RPIA: variants seen among roughly 807,000 people sequenced by gnomAD.
RPIA encodes the protein ribose 5-phosphate isomerase A, also known as ribose-5-phosphate isomerase.
RPIA carries 29 observed loss-of-function variants against 37.8 expected under a neutral mutation model. The observed-to-expected ratio is 0.77, with a 90% CI of 0.57 to 1.05. The LOEUF (loss-of-function observed/expected upper bound fraction) is 1.05. Among genes scored for constraint, RPIA ranks in the 50% least tolerant of loss-of-function variants. RPIA has a pLI of 0.00. For missense variants in RPIA, 385 were observed against 413.6 expected (o/e 0.93, Z 0.60); for synonymous variants, 167 against 157.0 (o/e 1.06, Z -0.48).
chr2:88,697,532 C>CT (rs1413335711), intron 1 of RPIA, among the ~76,000 whole-genome samples: 1 of 152,130 alleles, frequency 6.6e-6, no homozygotes, highest in Non-Finnish European at 1.5e-5. Flanking sequence ...CTCAGCTGAG[C>CT]TTTTACTCTT....
intron 3 of RPIA, among the ~76,000 whole-genome samples, chr2:88,721,566 CACACA>C (rs1470998078): frequency 2.5e-3 from 173 of 68,164 alleles, no homozygotes; most frequent in African/African-American, 6.8e-3. Flanking sequence ...CACACACACA[CACACA>C]CCCCCCCCCC....
intron 4 of RPIA, among the ~76,000 whole-genome samples, chr2:88,730,300 G>T (rs905417752): frequency 3.1e-5 from 3 of 96,600 alleles, no homozygotes; most frequent in Non-Finnish European, 3.6e-5. Context: ...CAATATCCTT[G>T]ATGAACATTG....
At chr2:88,711,385 A>G (rs901092459) in intron 3 of RPIA, among the ~76,000 whole-genome samples, 2 of 152,244 alleles carry the variant, frequency 1.3e-5, no homozygotes, top group African/African-American at 4.8e-5. Flanking sequence ...TCCAGGGCAG[A>G]GTTGGGACTT....
In RPIA at chr2:88,698,547, A is replaced by G. The variant is rs1468099679; in HGVS notation, c.346+3A>G. On this transcript the variant is annotated splice_donor_region_variant and intron_variant, in intron 2 of 8. Coordinates refer to ENST00000283646, the MANE Select transcript of RPIA (RefSeq NM_144563.3). ...TGTCCATGCTGTGCAGCGAATAGGT[A>G]TGCTCTCTCACTGTCTACTGGATGT... 4 of 1,612,860 alleles carry G rather than the reference A, an allele frequency of 2.5e-6. No homozygotes were observed. The highest frequency in any genetic ancestry group is 2.2e-5 in the East Asian group (1 of 44,874).
intron 8 of RPIA, among the ~76,000 whole-genome samples, chr2:88,744,725 TA>T (rs1673421623): frequency 6.6e-6 from 1 of 152,234 alleles, no homozygotes; most frequent in South Asian, 2.1e-4. Flanking sequence ...CCTGTTGGAC[TA>T]ATCCTTGTAT....
chr2:88,750,181 A>C lies in RPIA; in HGVS notation c.*103A>C. On this transcript the variant is annotated 3_prime_UTR_variant, in exon 9 of 9. Coordinates refer to ENST00000283646, the MANE Select transcript of RPIA (RefSeq NM_144563.3). ...GCCTTAATGTATCTCTGCCTGGACA[A>C]CTTGTGGTGGGGGGTGGGGGGAAGA... 20 of 635,900 alleles carry C rather than the reference A, an allele frequency of 3.1e-5. No homozygotes were observed. Among genetic ancestry groups the C allele is most frequent in the Non-Finnish European group, 3.7e-5 (13 of 349,430 alleles). The allele number at this position is 635,900 out of a possible 1,614,324, so 39.4% of individuals were successfully genotyped here.
intron 8 of RPIA, among the ~76,000 whole-genome samples, chr2:88,746,070 C>T (rs4972012): frequency 0.3 from 44,791 of 151,784 alleles, 6,789 homozygotes; most frequent in Admixed American, 0.33. Context: ...TCGTTCTAAT[C>T]TGTTGTTGAA....
intron 3 of RPIA, among the ~76,000 whole-genome samples, chr2:88,701,348 A>G (rs1255634377): frequency 1.3e-5 from 2 of 150,822 alleles, no homozygotes; most frequent in Non-Finnish European, 2.9e-5. Flanking sequence ...AAAGCTAAGT[A>G]TCTAATTTTT....
chr2:88,715,181 C>G (rs1302099825), intron 3 of RPIA, among the ~76,000 whole-genome samples: 2 of 152,072 alleles, frequency 1.3e-5, no homozygotes, highest in Non-Finnish European at 2.9e-5. Flanking sequence ...TAGTTGGGGG[C>G]TGGGGATTTT....
chr2:88,727,426 G>A (rs570178717), intron 3 of RPIA, among the ~76,000 whole-genome samples: 1 of 152,128 alleles, frequency 6.6e-6, no homozygotes, highest in East Asian at 1.9e-4. Context: ...AAGTTCAGGG[G>A]TACATGTGCA....
chr2:88,719,187 A>G (rs1478817510), intron 3 of RPIA, among the ~76,000 whole-genome samples: 2 of 152,186 alleles, frequency 1.3e-5, no homozygotes, highest in Non-Finnish European at 2.9e-5. Context: ...GATGACAAAA[A>G]GTTTTAGGGC....
chr2:88,716,826 C>G (rs535504845), intron 3 of RPIA, among the ~76,000 whole-genome samples: 148 of 152,322 alleles, frequency 9.7e-4, no homozygotes, highest in African/African-American at 3.3e-3. Context: ...CTGAAAATTA[C>G]TGACAAAAGG....
At chr2:88,743,452 G>A (rs1287597598) in intron 8 of RPIA, among the ~76,000 whole-genome samples, 2 of 152,034 alleles carry the variant, frequency 1.3e-5, no homozygotes, top group African/African-American at 2.4e-5. Context: ...ATTTTGTTGA[G>A]TATTTTTGCA....
chr2:88,711,919 T>G (rs567204745), intron 3 of RPIA, among the ~76,000 whole-genome samples: 1 of 152,190 alleles, frequency 6.6e-6, no homozygotes, highest in African/African-American at 2.4e-5. Flanking sequence ...GTGTGAGGAT[T>G]GCTTGAGCTC....
chr2:88,704,619 A>G (rs1481877394), intron 3 of RPIA, among the ~76,000 whole-genome samples: 2 of 152,178 alleles, frequency 1.3e-5, no homozygotes, highest in African/African-American at 4.8e-5. Flanking sequence ...ACAGAGCCAA[A>G]CCATATCACT....
chr2:88,738,807 G>T (rs1034169545), intron 8 of RPIA, among the ~76,000 whole-genome samples: 1 of 152,140 alleles, frequency 6.6e-6, no homozygotes, highest in African/African-American at 2.4e-5. Flanking sequence ...CTTTGATGAG[G>T]TAGTTACAGA....
intron 3 of RPIA, among the ~76,000 whole-genome samples, chr2:88,722,345 A>C (rs1673144054): frequency 6.6e-6 from 1 of 152,326 alleles, no homozygotes; most frequent in East Asian, 1.9e-4. Flanking sequence ...CCAAATAATA[A>C]AATATCTATA....
chr2:88,738,217 G>C (rs945803168), intron 8 of RPIA, 141 bp downstream of exon 8: 1 of 697,564 alleles, frequency 1.4e-6, no homozygotes, highest in Non-Finnish European at 2.6e-6. Flanking sequence ...ACCATGTTTG[G>C]GTTTTTAACT....
intron 3 of RPIA, among the ~76,000 whole-genome samples, chr2:88,707,916 A>G (rs1336216630): frequency 2.0e-5 from 3 of 152,228 alleles, no homozygotes; most frequent in African/African-American, 7.2e-5. Flanking sequence ...TTATGCCTGA[A>G]AAACTGGTGC....
Sources: allele counts gnomAD v4.1 joint callset (sites outside exome capture counted in the v4.1 genomes callset), GRCh38; gene constraint gnomAD v4.1.1; transcripts MANE v1.5; gene names NCBI Gene and HGNC (gene_info 2026-07-23, HGNC 2026-07-21).